The following TRIM44 variants were observed in gnomAD, a reference collection of about 807,000 sequenced individuals.
TRIM44 encodes the protein tripartite motif-containing protein 44.
TRIM44 carries 13 observed loss-of-function variants against 37.4 expected under a neutral mutation model. The ratio of observed to expected loss-of-function variants is 0.35; its 90% CI spans 0.23 to 0.55. The LOEUF (loss-of-function observed/expected upper bound fraction) is 0.55. Among genes scored for constraint, TRIM44 ranks in the 20% least tolerant of loss-of-function variants. TRIM44 has a pLI of 0.89. For missense variants in TRIM44, 426 were observed against 437.2 expected (o/e 0.97, Z 0.23); for synonymous variants, 175 against 157.2 (o/e 1.11, Z -0.85).
intron 2 of TRIM44, among the ~76,000 whole-genome samples, chr11:35,715,501 AAGGC>A (rs1208436053): frequency 6.6e-6 from 1 of 151,774 alleles, no homozygotes; most frequent in African/African-American, 2.4e-5. Context: ...CCATGAAGGG[AAGGC>A]AATTCAGAAG....
chr11:35,770,252 T>C (rs971017787), intron 4 of TRIM44, among the ~76,000 whole-genome samples: 1 of 152,246 alleles, frequency 6.6e-6, no homozygotes, highest in Non-Finnish European at 1.5e-5. Context: ...TTTTTATGAC[T>C]ACATAGTATT....
intron 1 of TRIM44, among the ~76,000 whole-genome samples, chr11:35,684,637 C>T (rs1851553481): frequency 6.6e-6 from 1 of 152,038 alleles, no homozygotes; most frequent in Non-Finnish European, 1.5e-5. Context: ...ATGGCAAATC[C>T]AAAATTGGAA....
intron 2 of TRIM44, among the ~76,000 whole-genome samples, chr11:35,723,068 C>A (rs1852128276): frequency 6.6e-6 from 1 of 151,666 alleles, no homozygotes; most frequent in South Asian, 2.1e-4. Context: ...CCCCTTCCAA[C>A]TCTCTCCCTC....
intron 4 of TRIM44, among the ~76,000 whole-genome samples, chr11:35,789,034 A>AT (rs1223415432): frequency 6.6e-6 from 1 of 152,126 alleles, no homozygotes; most frequent in East Asian, 1.9e-4. Context: ...CACAGCAAAT[A>AT]TTTTTTAATT....
intron 4 of TRIM44, among the ~76,000 whole-genome samples, chr11:35,760,313 C>T (rs1852706192): frequency 6.6e-6 from 1 of 152,212 alleles, no homozygotes; most frequent in South Asian, 2.1e-4. Context: ...TATAAAATCT[C>T]CTGTTGTGCC....
intron 4 of TRIM44, among the ~76,000 whole-genome samples, chr11:35,738,821 G>A (rs1852357239): frequency 6.6e-6 from 1 of 152,170 alleles, no homozygotes; most frequent in Non-Finnish European, 1.5e-5. Context: ...GAGACACTGA[G>A]TTCCAGTTCT....
At chr11:35,775,917 T>C (rs1033777868) in intron 4 of TRIM44, among the ~76,000 whole-genome samples, 3 of 152,224 alleles carry the variant, frequency 2.0e-5, no homozygotes, top group Admixed American at 6.5e-5. Context: ...TCAAGGATAT[T>C]GGTCTAAAAT....
At chr11:35,705,939 C>CA (rs1452831044) in intron 2 of TRIM44, among the ~76,000 whole-genome samples, 1 of 148,296 alleles carries the variant, frequency 6.7e-6, no homozygotes, top group Non-Finnish European at 1.5e-5. Flanking sequence ...AACAGAGACA[C>CA]AAAAAAACCT....
rs138533826 is a variant in TRIM44 at position 35,665,852 on chromosome 11, T to C, written c.669+2072T>C. Among the ~76,000 whole-genome samples, 105 of 152,072 alleles carry C rather than the reference T, an allele frequency of 6.9e-4. 1 individual carries two copies. In the East Asian group the frequency reaches 0.019, roughly 28 times the overall value. On this transcript the variant is annotated intron_variant, in intron 1 of 4. Transcript: ENST00000299413. The stretch of plus-strand genomic sequence containing the variant: ...ACCTCAGGTGATCTGCCTGCCAAAG[T>C]GTTGGGATTATAGGTGTTAGCCACT...
At chr11:35,708,165 A>G (rs1378528885) in intron 2 of TRIM44, among the ~76,000 whole-genome samples, 1 of 152,250 alleles carries the variant, frequency 6.6e-6, no homozygotes, top group Admixed American at 6.5e-5. Context: ...AATGCTCATC[A>G]TCACTGGCCA....
chr11:35,779,274 C>T (rs936695787), intron 4 of TRIM44, among the ~76,000 whole-genome samples: 3 of 152,190 alleles, frequency 2.0e-5, no homozygotes, highest in African/African-American at 7.2e-5. Context: ...CCTGGTGTGC[C>T]ATTTGCTAAG....
At chr11:35,771,072 G>T (rs12279401) in intron 4 of TRIM44, among the ~76,000 whole-genome samples, 6 of 152,138 alleles carry the variant, frequency 3.9e-5, no homozygotes, top group African/African-American at 1.4e-4. Flanking sequence ...ATGTGGAAGC[G>T]ACTTTGGAAC....
chr11:35,686,374 G>GT lies in TRIM44; in HGVS notation c.747+1052dup, dbSNP rs577200341. ...GTAGGTTCTTTTTGTTTTTGTTTTTGTTTTTTTTTTTTTTAAGAGGAATGG... is the reference window on the plus strand; with the variant it reads ...GTAGGTTCTTTTTGTTTTTGTTTTTGTTTTTTTTTTTTTTTAAGAGGAATGG... On this transcript the variant is annotated intron_variant, in intron 2 of 4. Coordinates refer to ENST00000299413, the MANE Select transcript of TRIM44 (RefSeq NM_017583.6). 9.3e-3 allele frequency among the ~76,000 whole-genome samples: 1,244 copies of GT among 133,236 alleles called. 10 individuals carry two copies. The highest frequency in any genetic ancestry group is 0.018 in the Admixed American group (243 of 13,236). 87.4% of individuals were successfully genotyped at this position (133,236 alleles called of 152,430 possible).
intron 1 of TRIM44, among the ~76,000 whole-genome samples, chr11:35,679,592 A>G (rs1285179227): frequency 6.6e-6 from 1 of 152,212 alleles, no homozygotes; most frequent in Non-Finnish European, 1.5e-5. Context: ...TGCTTTGCCT[A>G]AAGTGAGTAG....
At chr11:35,744,069 A>G (rs1673250753) in intron 4 of TRIM44, among the ~76,000 whole-genome samples, 1 of 152,242 alleles carries the variant, frequency 6.6e-6, no homozygotes, top group African/African-American at 2.4e-5. Context: ...ACTAAACCAC[A>G]TGACAAAATA....
intron 4 of TRIM44, among the ~76,000 whole-genome samples, chr11:35,742,482 ATTGTATTAT>A (rs1233768330): frequency 7.4e-6 from 1 of 135,402 alleles, no homozygotes; most frequent in Non-Finnish European, 1.5e-5. Flanking sequence ...AATTATATTA[ATTGTATTAT>A]ATATAATTAT....
At chr11:35,777,113 G>A (rs1852978632) in intron 4 of TRIM44, among the ~76,000 whole-genome samples, 1 of 152,104 alleles carries the variant, frequency 6.6e-6, no homozygotes. Context: ...GGTCTCTAAG[G>A]ACTTGCTTTA....
At chr11:35,793,757 C>T (rs1278862291) in intron 4 of TRIM44, among the ~76,000 whole-genome samples, 1 of 152,190 alleles carries the variant, frequency 6.6e-6, no homozygotes, top group African/African-American at 2.4e-5. Flanking sequence ...CTTCACTCCT[C>T]ATTGCCCGGG....
chr11:35,758,136 G>A (rs1169801967), intron 4 of TRIM44, among the ~76,000 whole-genome samples: 1 of 152,146 alleles, frequency 6.6e-6, no homozygotes, highest in Non-Finnish European at 1.5e-5. Context: ...GGGAGTCTAA[G>A]TCTCTTTGTA....
Sources: gnomAD v4.1 joint callset for allele counts (sites outside exome capture counted in the v4.1 genomes callset) on GRCh38, gnomAD v4.1.1 for gene constraint, MANE v1.5 for transcripts, NCBI Gene and HGNC (gene_info 2026-07-23, HGNC 2026-07-21) for gene names.